The following ESCO2 variants were observed in gnomAD, a reference collection of about 807,000 sequenced individuals.
The protein encoded by ESCO2 is N-acetyltransferase ESCO2.
Under a neutral mutation model 61.7 loss-of-function variants are expected in ESCO2, and 51 were observed. The ratio of observed to expected loss-of-function variants is 0.83; its 90% CI spans 0.66 to 1.04. The LOEUF is 1.04. ESCO2 is among the 50% of genes least tolerant of loss of function. The pLI, the probability that ESCO2 is intolerant of heterozygous loss-of-function variation, is 0.00. For missense variants in ESCO2, 692 were observed against 686.2 expected (o/e 1.01, Z -0.09); for synonymous variants, 230 against 238.2 (o/e 0.97, Z 0.32).
chr8:27,802,316 G>A (rs947588001), intron 10 of ESCO2, among the ~76,000 whole-genome samples: 1 of 151,116 alleles, frequency 6.6e-6, no homozygotes, highest in Non-Finnish European at 1.5e-5. Flanking sequence ...AATATATATA[G>A]GCTGGACGGT....
Position 27,776,423 on chromosome 8 carries a change from AAC to A in ESCO2, c.117_118del (p.Asn39LysfsTer2). 1 of 1,607,610 alleles carries A rather than the reference AAC, an allele frequency of 6.2e-7. No individual in the cohort carries two copies. Among genetic ancestry groups the A allele is most frequent in the Non-Finnish European group, 8.5e-7 (1 of 1,178,056 alleles). ...SPNKKHCFYQNSDKNEENLHC... is the reference protein window; with the variant it reads ...SPNKKHCFYQXSDKNEENLHC... The stretch of plus-strand genomic sequence containing the variant: ...TAATAAAAAGCACTGTTTTTATCAA[AAC>A]AGTGATAAAAATGAAGAAAACCTGC... On this transcript the variant is annotated frameshift_variant, in exon 3 of 11. Coordinates refer to ENST00000305188, the MANE Select transcript of ESCO2 (RefSeq NM_001017420.3). LOFTEE classifies it high-confidence loss of function.
chr8:27,782,364 C>T (rs542972672), intron 4 of ESCO2, among the ~76,000 whole-genome samples: 6 of 152,226 alleles, frequency 3.9e-5, no homozygotes, highest in South Asian at 2.1e-4. Context: ...AGGGTTCTAG[C>T]GATTCTCTTA....
downstream of ESCO2, chr8:27,812,406 T>G (rs1000815622): frequency 6.6e-6 from 1 of 152,086 alleles, no homozygotes; most frequent in African/African-American, 2.4e-5. Flanking sequence ...ATTCAGGACA[T>G]AGGCATGGGC....
chr8:27,803,560 ACACACACG>A lies in ESCO2; in HGVS notation c.*130_*137del, dbSNP rs1237022925. ...GAGACTCACACTCATACACACACAC[ACACACACG>A]CACACACACATATCACAGTTTTGTT... On this transcript the variant is annotated 3_prime_UTR_variant, in exon 11 of 11. Coordinates refer to ENST00000305188, the MANE Select transcript of ESCO2 (RefSeq NM_001017420.3). The A allele has an allele frequency of 1.0e-5, 15 of 1,457,446 alleles. No individual in the cohort carries two copies. The highest frequency in any genetic ancestry group is 1.0e-4 in the Admixed American group (4 of 39,206). 90.3% of individuals were successfully genotyped at this position (1,457,446 alleles called of 1,614,324 possible).
downstream of ESCO2, among the ~76,000 whole-genome samples, chr8:27,806,222 T>A (rs1461161981): frequency 6.6e-6 from 1 of 152,202 alleles, no homozygotes; most frequent in Non-Finnish European, 1.5e-5. Context: ...GCAGAAGACA[T>A]GCACAGAAAC....
At chr8:27,782,084 C>T (rs1344296260) in intron 4 of ESCO2, among the ~76,000 whole-genome samples, 1 of 152,118 alleles carries the variant, frequency 6.6e-6, no homozygotes, top group African/African-American at 2.4e-5. Flanking sequence ...ATTTCCAACT[C>T]TAATCCAGTA....
At chr8:27,793,253 A>G (rs1805217429) in intron 9 of ESCO2, among the ~76,000 whole-genome samples, 1 of 152,040 alleles carries the variant, frequency 6.6e-6, no homozygotes. Context: ...GCTTTTTTGT[A>G]TTTTTGCCAG....
chr8:27,790,985 C>T (rs1469278021), intron 7 of ESCO2, among the ~76,000 whole-genome samples: 1 of 152,122 alleles, frequency 6.6e-6, no homozygotes, highest in Non-Finnish European at 1.5e-5. Context: ...TTGACTTTTT[C>T]TGCACATTTA....
chr8:27,795,458 T>G (rs1274278319), intron 9 of ESCO2, among the ~76,000 whole-genome samples: 1 of 152,230 alleles, frequency 6.6e-6, no homozygotes, highest in Non-Finnish European at 1.5e-5. Context: ...TCATGTCATT[T>G]GCAAACAGAT....
At chr8:27,772,592 A>T, upstream of ESCO2, 1 of 1,536,136 alleles carries the variant, frequency 6.5e-7, no homozygotes, top group Non-Finnish European at 8.8e-7. Flanking sequence ...CGCTCAACTC[A>T]CGAAGCTCAG....
chr8:27,775,733 T>G (rs965267875), intron 2 of ESCO2, among the ~76,000 whole-genome samples, 166 bp downstream of exon 2: 1 of 152,250 alleles, frequency 6.6e-6, no homozygotes, highest in African/African-American at 2.4e-5. Flanking sequence ...ATACATTAAG[T>G]TTTCATAATG....
chr8:27,792,762 C>T lies in ESCO2; in HGVS notation c.1448C>T (p.Ser483Phe). The T allele has an allele frequency of 6.2e-7, 1 of 1,610,676 alleles. No individual in the cohort carries two copies. Among genetic ancestry groups the T allele is most frequent in the Non-Finnish European group, 8.5e-7 (1 of 1,178,908 alleles). Residue 483 changes from serine to phenylalanine, a missense_variant, in exon 9 of 11, where the codon TCT (serine) becomes TTT (phenylalanine). Physicochemically the swap from Ser to Phe is radical, Grantham distance 155. Coordinates refer to ENST00000305188, the MANE Select transcript of ESCO2 (RefSeq NM_001017420.3). The stretch of plus-strand genomic sequence containing the variant: ...AAAATAAAAACTTTTCTTTTTATAT[C>T]TGATGAAAAGAGAGTAGTTGGGTGT... ...PNKIKTFLFI[S>F]DEKRVVGCLI...
chr8:27,780,148 G>C, intron 3 of ESCO2, 26 bp from the exon 4 acceptor site: 1 of 1,382,864 alleles, frequency 7.2e-7, no homozygotes, highest in Non-Finnish European at 1.0e-6. Flanking sequence ...ACAGATGTTT[G>C]GTTTTTTTTT....
In ESCO2 at chr8:27,775,312, C is replaced by T. The variant is rs961334; in HGVS notation, c.-16-187C>T. Among the ~76,000 whole-genome samples the T allele has an allele frequency of 0.28, 42,525 of 151,928 alleles. 6,657 individuals are homozygous for T. Among genetic ancestry groups the T allele is most frequent in the Middle Eastern group, 0.37 (109 of 294 alleles). ...TCTTAAATGGACTATTAGGGAAATA[C>T]AGGGTGCCATGGAAGCAGAACAAGC... On this transcript the variant is annotated intron_variant, in intron 1 of 10. Transcript: ENST00000305188.
At chr8:27,807,650 T>C (rs1306191136), downstream of ESCO2, among the ~76,000 whole-genome samples, 2 of 152,224 alleles carry the variant, frequency 1.3e-5, no homozygotes, top group African/African-American at 4.8e-5. Flanking sequence ...TTTGTTAGTA[T>C]TTTTGAAGAT....
At chr8:27,790,142 C>A (rs1463906223) in intron 7 of ESCO2, among the ~76,000 whole-genome samples, 1 of 152,182 alleles carries the variant, frequency 6.6e-6, no homozygotes, top group African/African-American at 2.4e-5. Context: ...ATGACACATT[C>A]CCTCTCCAGC....
chr8:27,810,952 T>C (rs2272692), downstream of ESCO2: 7,146 of 1,511,616 alleles, frequency 4.7e-3, 133 homozygotes, highest in African/African-American at 0.051. Context: ...GAAATTGTAT[T>C]CATACCTTCA....
At chr8:27,781,708 C>A (rs1044022847) in intron 4 of ESCO2, among the ~76,000 whole-genome samples, 5 of 151,824 alleles carry the variant, frequency 3.3e-5, no homozygotes, top group African/African-American at 1.2e-4. Context: ...TTACAGGCAT[C>A]CACCACCATG....
chr8:27,802,887 C>T (rs1246940549), intron 10 of ESCO2, among the ~76,000 whole-genome samples: 1 of 151,316 alleles, frequency 6.6e-6, no homozygotes, highest in African/African-American at 2.4e-5. Flanking sequence ...GCTGGGACTA[C>T]AGGCATGCAC....
Sources: allele counts gnomAD v4.1 joint callset (sites outside exome capture counted in the v4.1 genomes callset), GRCh38; gene constraint gnomAD v4.1.1; transcripts MANE v1.5; gene names NCBI Gene and HGNC (gene_info 2026-07-23, HGNC 2026-07-21).